The following NMNAT2 variants were observed in gnomAD, a reference collection of about 807,000 sequenced individuals.
NMNAT2 encodes nicotinamide nucleotide adenylyltransferase 2.
Under a neutral mutation model 41.6 loss-of-function variants are expected in NMNAT2, and 11 were observed. The ratio of observed to expected loss-of-function variants is 0.26; its 90% CI spans 0.17 to 0.44. The LOEUF is 0.44. NMNAT2 is among the 20% of genes least tolerant of loss of function. The probability of loss-of-function intolerance (pLI) is 1.00; values close to 1 mark genes in which losing one functional copy is unlikely to be tolerated. For synonymous variants in NMNAT2, 148 were observed against 151.2 expected (o/e 0.98, Z 0.16); for missense variants, 288 against 407.7 (o/e 0.71, Z 2.53).
chr1:183,279,702 G>C (rs186426540), intron 7 of NMNAT2, among the ~76,000 whole-genome samples: 3 of 152,178 alleles, frequency 2.0e-5, no homozygotes, highest in Non-Finnish European at 2.9e-5. Flanking sequence ...CCTGAAGCAG[G>C]GGGGAGGCTA....
chr1:183,276,090 C>T (rs536072409), intron 8 of NMNAT2, among the ~76,000 whole-genome samples: 1 of 152,188 alleles, frequency 6.6e-6, no homozygotes, highest in Non-Finnish European at 1.5e-5. Flanking sequence ...CCAAAGTCAT[C>T]CATCTCAGAT....
At chr1:183,287,480 AG>A (rs1661429984) in intron 4 of NMNAT2, among the ~76,000 whole-genome samples, 1 of 152,190 alleles carries the variant, frequency 6.6e-6, no homozygotes, top group Non-Finnish European at 1.5e-5. Context: ...TACACATGAC[AG>A]AGCCAAGTGG....
intron 1 of NMNAT2, among the ~76,000 whole-genome samples, chr1:183,394,919 C>T (rs1385392207): frequency 6.6e-6 from 1 of 152,202 alleles, no homozygotes; most frequent in Non-Finnish European, 1.5e-5. Context: ...TTGACAATGT[C>T]CACATGTCTG....
At chr1:183,377,604 T>C (rs1414616898) in intron 1 of NMNAT2, among the ~76,000 whole-genome samples, 1 of 152,084 alleles carries the variant, frequency 6.6e-6, no homozygotes, top group Non-Finnish European at 1.5e-5. Flanking sequence ...TAACATAAAC[T>C]CTCTACACTA....
intron 1 of NMNAT2, among the ~76,000 whole-genome samples, chr1:183,360,713 T>A (rs746403300): frequency 6.6e-6 from 1 of 152,214 alleles, no homozygotes; most frequent in Admixed American, 6.5e-5. Context: ...ATTGGCAGTG[T>A]GCCTCTCACT....
Position 183,252,581 on chromosome 1 carries a change from G to C in NMNAT2, c.*60C>G. ...GAGATGGAGAAACAGAGAGGCAGGAGAGAAACAGGGGGCTGACAAAGATGG... is the reference window on the plus strand; with the variant it reads ...GAGATGGAGAAACAGAGAGGCAGGACAGAAACAGGGGGCTGACAAAGATGG... On this transcript the variant is annotated 3_prime_UTR_variant, in exon 11 of 11. Coordinates refer to ENST00000287713, the MANE Select transcript of NMNAT2 (RefSeq NM_015039.4). 1 of 1,172,414 alleles carries C rather than the reference G, an allele frequency of 8.5e-7. No homozygotes were observed. Among genetic ancestry groups the C allele is most frequent in the South Asian group, 1.2e-5 (1 of 82,252 alleles). 72.6% of individuals were successfully genotyped at this position (1,172,414 alleles called of 1,614,324 possible). A position where few individuals can be genotyped will look rare whatever the true frequency, so the allele number is the denominator to read the frequency against.
chr1:183,319,477 G>A (rs1354528746), intron 1 of NMNAT2, among the ~76,000 whole-genome samples: 2 of 152,232 alleles, frequency 1.3e-5, no homozygotes, highest in Non-Finnish European at 2.9e-5. Context: ...AGCTCTCTCA[G>A]AGGCAGCAGG....
chr1:183,372,532 TCCCA>T, intron 1 of NMNAT2, among the ~76,000 whole-genome samples: 1 of 152,194 alleles, frequency 6.6e-6, no homozygotes, highest in Non-Finnish European at 1.5e-5. Flanking sequence ...CCTGTATGGC[TCCCA>T]GGTTCTTCCT....
chr1:183,332,042 C>T (rs1208272376), intron 1 of NMNAT2, among the ~76,000 whole-genome samples: 1 of 152,216 alleles, frequency 6.6e-6, no homozygotes, highest in Admixed American at 6.5e-5. Flanking sequence ...CTCAGCCTCC[C>T]AAAGTGCTGG....
At chr1:183,282,927 T>A (rs761418586) in intron 7 of NMNAT2, 1 of 152,194 alleles carries the variant, frequency 6.6e-6, no homozygotes, top group African/African-American at 2.4e-5. Flanking sequence ...ATAACTTAAT[T>A]TTTAGTAATG....
At chr1:183,413,057 G>A (rs1284014451) in intron 1 of NMNAT2, among the ~76,000 whole-genome samples, 1 of 152,158 alleles carries the variant, frequency 6.6e-6, no homozygotes, top group Admixed American at 6.5e-5. Context: ...CTTGTATAAT[G>A]CTAAAGAGAA....
chr1:183,345,127 C>G (rs984735388), intron 1 of NMNAT2, among the ~76,000 whole-genome samples: 1 of 151,974 alleles, frequency 6.6e-6, no homozygotes, highest in Non-Finnish European at 1.5e-5. Context: ...TTCTCCTCCC[C>G]CACCCCACCT....
chr1:183,259,092 G>A (rs964799816), intron 10 of NMNAT2, among the ~76,000 whole-genome samples: 1 of 152,178 alleles, frequency 6.6e-6, no homozygotes, highest in Non-Finnish European at 1.5e-5. Context: ...TGCAAGCTAG[G>A]TCCCTAAGTG....
intron 1 of NMNAT2, among the ~76,000 whole-genome samples, chr1:183,404,099 ATTT>A (rs10655990): frequency 7.2e-6 from 1 of 138,486 alleles, no homozygotes. Flanking sequence ...CAGAAATGTA[ATTT>A]TTTTTTTTTT....
At chr1:183,311,120 A>G (rs1571590626) in intron 1 of NMNAT2, among the ~76,000 whole-genome samples, 1 of 152,090 alleles carries the variant, frequency 6.6e-6, no homozygotes, top group Non-Finnish European at 1.5e-5. Context: ...TTCTTCCTTC[A>G]CTATCCACTC....
At chr1:183,267,695 C>A (rs936806967) in intron 8 of NMNAT2, among the ~76,000 whole-genome samples, 5 of 152,072 alleles carry the variant, frequency 3.3e-5, no homozygotes, top group Non-Finnish European at 5.9e-5. Flanking sequence ...CAGGAGTGTG[C>A]CCAGGCCTCT....
At chr1:183,356,245 G>A (rs1378896147) in intron 1 of NMNAT2, among the ~76,000 whole-genome samples, 1 of 152,198 alleles carries the variant, frequency 6.6e-6, no homozygotes, top group African/African-American at 2.4e-5. Context: ...TAGTGGTAGG[G>A]CAGGACTTTA....
chr1:183,368,957 A>C (rs972001113), intron 1 of NMNAT2, among the ~76,000 whole-genome samples: 1 of 152,136 alleles, frequency 6.6e-6, no homozygotes, highest in Admixed American at 6.5e-5. Context: ...TTCTATTAAA[A>C]TGCACAGTCA....
rs1237548795 is a variant in NMNAT2 at position 183,294,474 on chromosome 1, T to C, written c.86-681A>G. On this transcript the variant is annotated intron_variant, in intron 1 of 10. Coordinates refer to ENST00000287713, the MANE Select transcript of NMNAT2 (RefSeq NM_015039.4). ...GGGACTGAAAAGTCTGGTTCTATCT[T>C]ACTTCCAAAACAATTCCTTTTAAGA... Among the ~76,000 whole-genome samples, 3 of 152,234 alleles carry C rather than the reference T, an allele frequency of 2.0e-5. No individual in the cohort carries two copies. In the East Asian group the frequency reaches 5.8e-4, roughly 29 times the overall value.
Sources: allele counts gnomAD v4.1 joint callset (sites outside exome capture counted in the v4.1 genomes callset), GRCh38; gene constraint gnomAD v4.1.1; transcripts MANE v1.5; gene names NCBI Gene and HGNC (gene_info 2026-07-23, HGNC 2026-07-21).